FBXO11: variants seen among roughly 807,000 people sequenced by gnomAD.
The protein encoded by FBXO11 is F-box protein 11.
A neutral mutation model predicts 117.0 loss-of-function variants in FBXO11; 13 were observed. The observed-to-expected ratio is 0.11, with a 90% CI of 0.07 to 0.18. FBXO11 has a LOEUF of 0.18. Ranked by LOEUF, FBXO11 falls within the 10% of genes least tolerant of loss-of-function variation. The probability of loss-of-function intolerance (pLI) is 1.00; values close to 1 mark genes in which losing one functional copy is unlikely to be tolerated. For synonymous variants in FBXO11, 490 were observed against 380.5 expected (o/e 1.29, Z -3.35); for missense variants, 767 against 1,164.4 (o/e 0.66, Z 4.97).
chr2:47,876,171 T>C (rs1675989189), intron 1 of FBXO11, among the ~76,000 whole-genome samples: 1 of 152,236 alleles, frequency 6.6e-6, no homozygotes, highest in African/African-American at 2.4e-5. Context: ...TAAAATACCC[T>C]GAAGTTGGTC....
Position 47,809,718 on chromosome 2 carries a change from A to G in FBXO11, c.2339-11T>C. 6.4e-7 allele frequency: 1 copy of G among 1,574,248 alleles called. No individual in the cohort carries two copies. The highest frequency in any genetic ancestry group is 8.7e-7 in the Non-Finnish European group (1 of 1,144,998). On this transcript the variant is annotated splice_polypyrimidine_tract_variant and intron_variant, in intron 19 of 22. Coordinates refer to ENST00000403359, the MANE Select transcript of FBXO11 (RefSeq NM_001190274.2). ...TTGTAATTTCAATACCTGAAGTAAA[A>G]TTTACAAACAAGTAGATACATCACT...
At chr2:47,830,219 C>G (rs752161316) in intron 11 of FBXO11, among the ~76,000 whole-genome samples, 3 of 151,520 alleles carry the variant, frequency 2.0e-5, no homozygotes, top group Admixed American at 6.6e-5. Context: ...AGAAAAAAAC[C>G]CAATGTGATC....
chr2:47,814,371 GTC>G (rs1488973454), intron 16 of FBXO11: 1 of 108,338 alleles, frequency 9.2e-6, no homozygotes, highest in Non-Finnish European at 1.8e-5. Flanking sequence ...CCTTCAGGGA[GTC>G]TTTTTTTTTT....
chr2:47,880,354 A>C (rs529411752), intron 1 of FBXO11, among the ~76,000 whole-genome samples: 1 of 152,332 alleles, frequency 6.6e-6, no homozygotes, highest in South Asian at 2.1e-4. Context: ...TACTAAAATT[A>C]TAAGAAGACT....
At chr2:47,868,282 C>CAAAAAAA (rs371849610) in intron 1 of FBXO11, among the ~76,000 whole-genome samples, 1 of 80,548 alleles carries the variant, frequency 1.2e-5, no homozygotes, top group Admixed American at 1.5e-4. Flanking sequence ...ACTCTACCTC[C>CAAAAAAA]AAAAAAAAAA....
At chr2:47,838,467 G>A (rs1425501813) in intron 4 of FBXO11, among the ~76,000 whole-genome samples, 2 of 151,940 alleles carry the variant, frequency 1.3e-5, no homozygotes, top group African/African-American at 4.8e-5. Flanking sequence ...TAATTACTGG[G>A]TCAAAGGGCA....
rs1371081253 is a variant in FBXO11 at position 47,903,848 on chromosome 2, A to G, written c.232+1641T>C. ...AAGAACATTATTTGAACGGAACATC[A>G]GAAGAACACTGATAGACATATGTGA... On this transcript the variant is annotated intron_variant, in intron 1 of 22. Coordinates refer to ENST00000403359, the MANE Select transcript of FBXO11 (RefSeq NM_001190274.2). Among the ~76,000 whole-genome samples, 5 of 152,346 alleles carry G rather than the reference A, an allele frequency of 3.3e-5. No individual in the cohort carries two copies. In the South Asian group the frequency reaches 8.3e-4, roughly 25 times the overall value.
intron 1 of FBXO11, among the ~76,000 whole-genome samples, chr2:47,871,582 G>C (rs186735195): frequency 3.0e-4 from 46 of 152,222 alleles, no homozygotes; most frequent in Admixed American, 3.0e-3. Flanking sequence ...CTAATTATTT[G>C]AACATGTCTT....
At chr2:47,862,345 G>A (rs1162543350) in intron 1 of FBXO11, among the ~76,000 whole-genome samples, 6 of 152,220 alleles carry the variant, frequency 3.9e-5, no homozygotes, top group Admixed American at 6.5e-5. Context: ...TGGGACTAGA[G>A]CAGTAATAGC....
At chr2:47,897,136 G>C (rs1324070330) in intron 1 of FBXO11, among the ~76,000 whole-genome samples, 1 of 152,090 alleles carries the variant, frequency 6.6e-6, no homozygotes, top group East Asian at 1.9e-4. Flanking sequence ...ATAGTTACAT[G>C]CTCTTCCTCT....
At chr2:47,849,762 G>T (rs2103633667) in intron 1 of FBXO11, among the ~76,000 whole-genome samples, 1 of 152,346 alleles carries the variant, frequency 6.6e-6, no homozygotes, top group East Asian at 1.9e-4. Context: ...CAGTTATGCA[G>T]AAGGAATAGT....
intron 1 of FBXO11, among the ~76,000 whole-genome samples, chr2:47,863,055 CAAA>C (rs763187950): frequency 1.4e-5 from 1 of 73,968 alleles, no homozygotes; most frequent in Admixed American, 1.6e-4. Flanking sequence ...AACTGTGTCT[CAAA>C]AAAAAAAAAA....
chr2:47,858,126 G>A (rs1176447740), intron 1 of FBXO11, among the ~76,000 whole-genome samples: 1 of 151,546 alleles, frequency 6.6e-6, no homozygotes, highest in African/African-American at 2.4e-5. Flanking sequence ...ATTTTTTTGA[G>A]GCGGAGCCTC....
intron 1 of FBXO11, among the ~76,000 whole-genome samples, chr2:47,862,499 G>C (rs10200008): frequency 1.3e-5 from 2 of 152,124 alleles, no homozygotes; most frequent in African/African-American, 4.8e-5. Flanking sequence ...ATGTTGCCCA[G>C]ACTGGTCTTG....
chr2:47,849,881 T>C (rs1673724881), intron 1 of FBXO11, among the ~76,000 whole-genome samples: 1 of 152,142 alleles, frequency 6.6e-6, no homozygotes. Context: ...ATAAAGGCTA[T>C]TACAAACACT....
At chr2:47,902,574 CACACACAT>C (rs1394321456) in intron 1 of FBXO11, among the ~76,000 whole-genome samples, 1 of 152,048 alleles carries the variant, frequency 6.6e-6, no homozygotes, top group African/African-American at 2.4e-5. Flanking sequence ...CCCACATACA[CACACACAT>C]ACACATACAC....
chr2:47,820,299 G>T (rs983785784), intron 14 of FBXO11, 63 bp downstream of exon 14: 2 of 1,312,948 alleles, frequency 1.5e-6, no homozygotes, highest in African/African-American at 2.9e-5. Context: ...AGCTTGAGGA[G>T]AAACCCTTTA....
At chr2:47,824,417 G>C (rs919395614) in intron 11 of FBXO11, among the ~76,000 whole-genome samples, 1 of 152,128 alleles carries the variant, frequency 6.6e-6, no homozygotes, top group African/African-American at 2.4e-5. Flanking sequence ...GTTTGAGCCT[G>C]GGAGGTTGAG....
At chr2:47,852,044 T>G (rs895013895) in intron 1 of FBXO11, among the ~76,000 whole-genome samples, 19 of 146,914 alleles carry the variant, frequency 1.3e-4, no homozygotes, top group African/African-American at 4.8e-4. Context: ...CAGGTTGGAG[T>G]GCAATGGCAC....
Sources: allele counts gnomAD v4.1 joint callset (sites outside exome capture counted in the v4.1 genomes callset), GRCh38; gene constraint gnomAD v4.1.1; transcripts MANE v1.5; gene names NCBI Gene and HGNC (gene_info 2026-07-23, HGNC 2026-07-21).